The following ACTR3B variants were observed in gnomAD, a reference collection of about 807,000 sequenced individuals.
ACTR3B encodes actin-related protein 3B.
ACTR3B carries 8 observed loss-of-function variants against 59.0 expected under a neutral mutation model. The ratio of observed to expected loss-of-function variants is 0.14; its 90% CI spans 0.08 to 0.24. ACTR3B has a LOEUF of 0.24. ACTR3B is among the 10% of genes least tolerant of loss of function. The probability of loss-of-function intolerance (pLI) is 1.00; values close to 1 mark genes in which losing one functional copy is unlikely to be tolerated. For missense variants in ACTR3B, 245 were observed against 552.3 expected (o/e 0.44, Z 5.58); for synonymous variants, 148 against 197.9 (o/e 0.75, Z 2.12).
intron 6 of ACTR3B, among the ~76,000 whole-genome samples, chr7:152,819,868 A>C (rs960901732): frequency 9.2e-5 from 14 of 152,136 alleles, no homozygotes; most frequent in African/African-American, 3.4e-4. Context: ...AGCCCTGTGT[A>C]TTAACCAAAT....
At chr7:152,782,150 A>G (rs1430538199) in intron 1 of ACTR3B, among the ~76,000 whole-genome samples, 1 of 151,926 alleles carries the variant, frequency 6.6e-6, no homozygotes, top group Non-Finnish European at 1.5e-5. Context: ...ATTTAGAAAT[A>G]TTACCGGATC....
chr7:152,799,359 C>T (rs536442845), intron 2 of ACTR3B, among the ~76,000 whole-genome samples: 3 of 152,144 alleles, frequency 2.0e-5, no homozygotes, highest in African/African-American at 7.2e-5. Flanking sequence ...TCCTGTCTGT[C>T]TCTTAGAAGC....
intron 9 of ACTR3B, among the ~76,000 whole-genome samples, chr7:152,842,594 G>A (rs1306022649): frequency 6.6e-6 from 1 of 152,186 alleles, no homozygotes; most frequent in Non-Finnish European, 1.5e-5. Flanking sequence ...TCCTTCACTC[G>A]GTGCTTTTGA....
At chr7:152,802,864 A>G (rs2098240944) in intron 4 of ACTR3B, among the ~76,000 whole-genome samples, 2 of 152,244 alleles carry the variant, frequency 1.3e-5, no homozygotes, top group Admixed American at 6.5e-5. Flanking sequence ...TGGAATAACT[A>G]TTAAATATGG....
intron 9 of ACTR3B, among the ~76,000 whole-genome samples, chr7:152,844,638 T>G (rs1798127170): frequency 6.6e-6 from 1 of 151,782 alleles, no homozygotes; most frequent in Non-Finnish European, 1.5e-5. Context: ...TTGTCTGAAA[T>G]CCAGCTCTCA....
intron 2 of ACTR3B, among the ~76,000 whole-genome samples, chr7:152,799,811 G>A (rs2098229115): frequency 6.6e-6 from 1 of 152,166 alleles, no homozygotes; most frequent in Non-Finnish European, 1.5e-5. Context: ...AAATTTCAAT[G>A]GAAAATGGAA....
At chr7:152,825,175 A>C in intron 9 of ACTR3B, 53 bp downstream of exon 9, 1 of 1,578,482 alleles carries the variant, frequency 6.3e-7, no homozygotes, top group East Asian at 2.3e-5. Flanking sequence ...TTAAAGGCCC[A>C]TAATTCTTAG....
Position 152,764,579 on chromosome 7 carries a change from G to A in ACTR3B, c.44+4653G>A, listed in dbSNP as rs951291004. Among the ~76,000 whole-genome samples the A allele has an allele frequency of 4.9e-4, 74 of 151,596 alleles. 1 individual carries two copies. Among genetic ancestry groups the A allele is most frequent in the African/African-American group, 1.6e-3 (68 of 41,372 alleles). ...AGGAGGATCGCTTGAACCAGGAGGC[G>A]GAGGTTGCAGTGAGCTGAGATCGCG... On this transcript the variant is annotated intron_variant, in intron 1 of 11. Coordinates refer to ENST00000256001, the MANE Select transcript of ACTR3B (RefSeq NM_020445.6).
intron 9 of ACTR3B, 70 bp from the exon 10 acceptor site, chr7:152,852,056 G>C: frequency 6.2e-7 from 1 of 1,609,612 alleles, no homozygotes; most frequent in Non-Finnish European, 8.5e-7. Flanking sequence ...TGGGAGTTCT[G>C]TTGTGGGTGG....
intron 2 of ACTR3B, among the ~76,000 whole-genome samples, chr7:152,795,036 C>A (rs866094029): frequency 1.5e-5 from 2 of 137,752 alleles, no homozygotes; most frequent in African/African-American, 5.3e-5. Flanking sequence ...GTTTCACTCT[C>A]TTTTTTTTTT....
At chr7:152,764,967 A>G (rs1444632650) in intron 1 of ACTR3B, among the ~76,000 whole-genome samples, 1 of 152,206 alleles carries the variant, frequency 6.6e-6, no homozygotes, top group African/African-American at 2.4e-5. Flanking sequence ...AGAAAAGAAT[A>G]GAATGGTGAA....
chr7:152,796,091 C>G (rs568074928), intron 2 of ACTR3B, among the ~76,000 whole-genome samples: 1 of 152,096 alleles, frequency 6.6e-6, no homozygotes, highest in Non-Finnish European at 1.5e-5. Flanking sequence ...GTGATCTACC[C>G]GCCTCGACCT....
At chr7:152,763,113 C>T (rs1335163136) in intron 1 of ACTR3B, among the ~76,000 whole-genome samples, 3 of 151,806 alleles carry the variant, frequency 2.0e-5, no homozygotes, top group African/African-American at 2.4e-5. Flanking sequence ...GGCAGGAGTT[C>T]GAGACCAACC....
chr7:152,823,182 C>T (rs964617275), intron 7 of ACTR3B, among the ~76,000 whole-genome samples, 160 bp from the exon 8 acceptor site: 4 of 152,126 alleles, frequency 2.6e-5, no homozygotes, highest in African/African-American at 9.7e-5. Context: ...ACATGAAAGA[C>T]GATGGAATGT....
At chr7:152,832,329 C>G (rs1797096046) in intron 9 of ACTR3B, among the ~76,000 whole-genome samples, 1 of 152,104 alleles carries the variant, frequency 6.6e-6, no homozygotes, top group Non-Finnish European at 1.5e-5. Flanking sequence ...CTTTGCAGGT[C>G]TGGGCCAGAC....
intron 2 of ACTR3B, among the ~76,000 whole-genome samples, chr7:152,786,191 C>T (rs1287382904): frequency 2.4e-5 from 2 of 84,384 alleles, no homozygotes; most frequent in Non-Finnish European, 4.7e-5. Context: ...TTTAGACATT[C>T]AATATTGGAA....
intron 4 of ACTR3B, among the ~76,000 whole-genome samples, chr7:152,802,827 T>C (rs1157468308): frequency 1.3e-5 from 2 of 152,208 alleles, no homozygotes; most frequent in African/African-American, 2.4e-5. Context: ...GTATAAGAAA[T>C]ATTTTAACTA....
intron 9 of ACTR3B, among the ~76,000 whole-genome samples, chr7:152,835,591 G>A (rs1414137684): frequency 1.3e-5 from 2 of 152,142 alleles, no homozygotes; most frequent in Non-Finnish European, 2.9e-5. Flanking sequence ...GGAAAATGGC[G>A]CTGACAGACC....
At position 152,767,400 on chromosome 7, in the gene ACTR3B, A is replaced by G. The variant is rs373051613; in HGVS notation, c.44+7474A>G. On this transcript the variant is annotated intron_variant, in intron 1 of 11. Transcript: ENST00000256001. ...CACAGTTTTAATTAGGCTCTTTAGA[A>G]TGATTTCATTTCTAATGGTGCCGGC... Among the ~76,000 whole-genome samples the G allele has an allele frequency of 4.8e-4, 73 of 152,244 alleles. 1 individual carries two copies. The South Asian group carries it at 7.9e-3, about 16-fold the overall frequency.
Sources: allele counts gnomAD v4.1 joint callset (sites outside exome capture counted in the v4.1 genomes callset), GRCh38; gene constraint gnomAD v4.1.1; transcripts MANE v1.5; gene names NCBI Gene and HGNC (gene_info 2026-07-23, HGNC 2026-07-21).